Variants in BIRC6 observed in about 807,000 individuals in gnomAD.
BIRC6 encodes dual E2 ubiquitin-conjugating enzyme/E3 ubiquitin-protein ligase BIRC6.
In BIRC6, 98 loss-of-function variants were observed where a neutral mutation model predicts 503.3. The observed-to-expected ratio is 0.19, with a 90% CI of 0.17 to 0.23. BIRC6 has a LOEUF of 0.23. BIRC6 is among the 10% of genes least tolerant of loss of function. The pLI is 1.00. For synonymous variants in BIRC6, 2,240 were observed against 2,078.7 expected, an observed-to-expected ratio of 1.08 and a Z score of -2.11; for missense variants, 5,360 against 5,806.0, an observed-to-expected ratio of 0.92 and a Z score of 2.50.
chr2:32,604,840 C>G (rs1170739904), intron 71 of BIRC6, among the ~76,000 whole-genome samples: 4 of 151,540 alleles, frequency 2.6e-5, no homozygotes, highest in Non-Finnish European at 5.9e-5. Context: ...TGGTACTAAG[C>G]GTAGTATGCA....
intron 32 of BIRC6, among the ~76,000 whole-genome samples, chr2:32,471,933 G>A (rs1336842884): frequency 1.3e-5 from 2 of 152,120 alleles, no homozygotes; most frequent in South Asian, 2.1e-4. Context: ...TGCATATTAT[G>A]TTTAGGAAGA....
chr2:32,404,903 C>T (rs189676112), intron 8 of BIRC6, among the ~76,000 whole-genome samples: 20 of 152,038 alleles, frequency 1.3e-4, no homozygotes, highest in Admixed American at 7.2e-4. Context: ...CTCAAGCAGT[C>T]CTCCCTCCTT....
intron 23 of BIRC6, among the ~76,000 whole-genome samples, chr2:32,461,842 C>A (rs931807571): frequency 6.6e-6 from 1 of 151,974 alleles, no homozygotes; most frequent in Non-Finnish European, 1.5e-5. Flanking sequence ...GTACCTCATA[C>A]GTATAATAGT....
intron 37 of BIRC6, among the ~76,000 whole-genome samples, chr2:32,480,610 AAGGTAAATGG>A (rs2050275639): frequency 7.0e-6 from 1 of 141,900 alleles, no homozygotes; most frequent in South Asian, 2.4e-4. Context: ...ACAGAAAAAT[AAGGTAAATGG>A]CTTTTTTTTT....
chr2:32,485,773 C>A lies in BIRC6; in HGVS notation c.7813+14C>A, dbSNP rs770679479. 3.3e-6 allele frequency: 5 copies of A among 1,507,334 alleles called. No individual in the cohort carries two copies. Among genetic ancestry groups the A allele is most frequent in the Non-Finnish European group, 9.2e-7 (1 of 1,084,116 alleles). The allele number at this position is 1,507,334 out of a possible 1,614,324, so 93.4% of individuals were successfully genotyped here. A position where few individuals can be genotyped will look rare whatever the true frequency, so the allele number is the denominator to read the frequency against. On this transcript the variant is annotated intron_variant, in intron 40 of 73. Coordinates refer to ENST00000421745, the MANE Select transcript of BIRC6 (RefSeq NM_016252.4). ...CATCTCCTACATGTAAGTAAAATGA[C>A]CATTTTTAGAGTATTGCAGTGAATG...
chr2:32,454,785 T>C (rs2047061946), intron 23 of BIRC6, among the ~76,000 whole-genome samples: 1 of 152,198 alleles, frequency 6.6e-6, no homozygotes, highest in Non-Finnish European at 1.5e-5. Context: ...ATCAGTTCTT[T>C]ATTTGAGTGT....
At chr2:32,445,079 ATGGGC>A (rs2045813781) in intron 20 of BIRC6, among the ~76,000 whole-genome samples, 1 of 152,308 alleles carries the variant, frequency 6.6e-6, no homozygotes, top group African/African-American at 2.4e-5. Flanking sequence ...ATTCACTAAA[ATGGGC>A]TGTTTGAAGC....
chr2:32,553,347 G>A (rs1366576388), intron 65 of BIRC6, among the ~76,000 whole-genome samples: 4 of 151,766 alleles, frequency 2.6e-5, no homozygotes, highest in African/African-American at 9.7e-5. Flanking sequence ...CTTAAAATGG[G>A]TGGAGAGGAA....
chr2:32,447,679 C>T (rs2046211443), intron 21 of BIRC6, among the ~76,000 whole-genome samples: 1 of 112,486 alleles, frequency 8.9e-6, no homozygotes, highest in African/African-American at 3.6e-5. Context: ...CCCTCCCGGA[C>T]TGGGCGGCTG....
In BIRC6 at chr2:32,565,236, A is replaced by C. The variant is rs549826217; in HGVS notation, c.13145-9920A>C. The C allele has an allele frequency of 1.2e-4, 18 of 152,300 alleles. 1 individual carries two copies. In the East Asian group the frequency reaches 1.5e-3, roughly 13 times the overall value. The allele number at this position is 152,300 out of a possible 1,614,324, so 9.4% of individuals were successfully genotyped here. A position where few individuals can be genotyped will look rare whatever the true frequency, so the allele number is the denominator to read the frequency against. ...TACAGTGGAATATTTTGTATCCATC[A>C]AGTTCTTGAAAGTAGAAACCATCTA... is the stretch of plus-strand genomic sequence containing the variant. On this transcript the variant is annotated intron_variant, in intron 65 of 73. Transcript: ENST00000421745.
chr2:32,559,638 CAT>C (rs1259497950), intron 65 of BIRC6, among the ~76,000 whole-genome samples: 2 of 150,942 alleles, frequency 1.3e-5, no homozygotes, highest in East Asian at 1.9e-4. Context: ...AATAAAAGCA[CAT>C]GTCTTAAAAG....
intron 10 of BIRC6, among the ~76,000 whole-genome samples, chr2:32,417,072 G>C (rs890054960): frequency 5.3e-5 from 8 of 151,836 alleles, no homozygotes; most frequent in South Asian, 2.1e-4. Context: ...CCTGACCTCA[G>C]GTGATCCACC....
Position 32,499,540 on chromosome 2 carries a change from TC to T in BIRC6, c.8469-6del. 6.3e-7 allele frequency: 1 copy of T among 1,576,096 alleles called. No individual in the cohort carries two copies. Among genetic ancestry groups the T allele is most frequent in the Non-Finnish European group, 8.6e-7 (1 of 1,162,524 alleles). ...CTTTTTCTGTCTCTCTCTCTCTCTCTCTGCAGGGGTGCTTTCCAGACAGGCC... is the reference window on the plus strand; with the variant it reads ...CTTTTTCTGTCTCTCTCTCTCTCTCTTGCAGGGGTGCTTTCCAGACAGGCC... On this transcript the variant is annotated splice_polypyrimidine_tract_variant and splice_region_variant and intron_variant, in intron 45 of 73. Coordinates refer to ENST00000421745, the MANE Select transcript of BIRC6 (RefSeq NM_016252.4).
At chr2:32,536,544 A>G (rs1191941199) in intron 61 of BIRC6, among the ~76,000 whole-genome samples, 1 of 152,100 alleles carries the variant, frequency 6.6e-6, no homozygotes, top group Non-Finnish European at 1.5e-5. Context: ...GTTTCCCAGC[A>G]CCATTTATTA....
chr2:32,417,892 G>T (rs1211638640), intron 10 of BIRC6, among the ~76,000 whole-genome samples: 1 of 152,130 alleles, frequency 6.6e-6, no homozygotes, highest in East Asian at 1.9e-4. Context: ...TGATTCTCCG[G>T]CCTTAGCCTC....
rs368284465 is a variant in BIRC6 at position 32,433,701 on chromosome 2, A to G, written c.3306A>G (p.Gly1102=). 129 of 1,606,900 alleles carry G rather than the reference A, an allele frequency of 8.0e-5. No individual in the cohort carries two copies. The South Asian group carries it at 1.3e-3, about 16-fold the overall frequency. ...ELVLPKACMV[G]HVDFKFVLNS... The stretch of plus-strand genomic sequence containing the variant: ...TACTACCTAAAGCTTGTATGGTTGG[A>G]CATGTGGACTTCAAATTCGTTTTGA... Residue 1102 remains glycine, a synonymous_variant, in exon 13 of 74, where the codon GGA becomes GGG. Transcript: ENST00000421745.
intron 66 of BIRC6, among the ~76,000 whole-genome samples, chr2:32,579,862 A>G (rs1309554202): frequency 6.8e-6 from 1 of 148,088 alleles, no homozygotes; most frequent in African/African-American, 2.5e-5. Context: ...CACTTAACAG[A>G]TTTTTTTTTT....
intron 21 of BIRC6, among the ~76,000 whole-genome samples, chr2:32,446,565 A>C (rs977743857): frequency 5.9e-5 from 9 of 152,046 alleles, no homozygotes; most frequent in African/African-American, 9.7e-5. Context: ...ATGGTGCCTG[A>C]TACCCCTCGC....
intron 61 of BIRC6, among the ~76,000 whole-genome samples, chr2:32,532,615 C>G (rs908296067): frequency 1.3e-5 from 2 of 152,084 alleles, no homozygotes; most frequent in Non-Finnish European, 2.9e-5. Flanking sequence ...GGGGTTAGGA[C>G]TTGAACATAT....
Sources: allele counts gnomAD v4.1 joint callset (sites outside exome capture counted in the v4.1 genomes callset), GRCh38; gene constraint gnomAD v4.1.1; transcripts MANE v1.5; gene names NCBI Gene and HGNC (gene_info 2026-07-23, HGNC 2026-07-21).